The following FANCB variants were observed in gnomAD, a reference collection of about 807,000 sequenced individuals.
The protein encoded by FANCB is FA complementation group B, also known as Fanconi anemia group B protein.
A neutral mutation model predicts 38.9 loss-of-function variants in FANCB; 5 were observed. That is an observed-to-expected ratio of 0.13 (90% CI 0.07 to 0.27). The LOEUF (loss-of-function observed/expected upper bound fraction) is 0.27. Ranked by LOEUF, FANCB falls within the 10% of genes least tolerant of loss-of-function variation. FANCB has a pLI of 1.00. For missense variants in FANCB, 573 were observed against 602.7 expected, an observed-to-expected ratio of 0.95 and a Z score of 0.52; for synonymous variants, 236 against 215.4, an observed-to-expected ratio of 1.10 and a Z score of -0.84.
intron 2 of FANCB, among the ~76,000 whole-genome samples, 167 bp downstream of exon 2, chrX:14,868,756 A>G (rs1214545673): frequency 8.9e-6 from 1 of 112,318 alleles, no homozygotes; most frequent in African/African-American, 3.2e-5. Context: ...TGTTCTTACC[A>G]GGAAGAAAGG....
rs2092396657 is a variant in FANCB, at chrX:14,850,543, G to C, written c.1458C>G (p.Ser486Arg). ...ATGTAGTTTTCACTCCAACAACCAA[G>C]CTATCATCTATTACACGATACCATA... is the stretch of plus-strand genomic sequence containing the variant. Reference protein sequence around the residue: ...EKIWYRVIDDSLVVGVKTTSS... With the variant: ...EKIWYRVIDDRLVVGVKTTSS... Residue 486 changes from serine (S) to arginine (R), a missense_variant, in exon 7 of 10, where the codon AGC becomes AGG. Transcript: ENST00000650831. 1 of 1,203,697 alleles carries C rather than the reference G, an allele frequency of 8.3e-7. No homozygotes were observed.
chrX:14,739,125 T>C, the FANCB span, among the ~76,000 whole-genome samples: 3 of 112,039 alleles, frequency 2.7e-5, no homozygotes, highest in African/African-American at 9.7e-5. Flanking sequence ...TTTTCACCAA[T>C]TTAGGGTTTT....
At chrX:14,758,537 A>G in the FANCB span, among the ~76,000 whole-genome samples, 2 of 112,214 alleles carry the variant, frequency 1.8e-5, no homozygotes, top group Non-Finnish European at 3.8e-5. Context: ...AAGACAGTTC[A>G]CATCAGAGGA....
chrX:14,820,463 A>T, the FANCB span, among the ~76,000 whole-genome samples: 2 of 112,089 alleles, frequency 1.8e-5, no homozygotes, highest in South Asian at 7.3e-4. Context: ...ATAATTGTCC[A>T]TGTCATTTGT....
chrX:14,737,556 C>T, the FANCB span, among the ~76,000 whole-genome samples: 1 of 111,962 alleles, frequency 8.9e-6, no homozygotes, highest in Non-Finnish European at 1.9e-5. Flanking sequence ...AACAGTGTGA[C>T]CTTGGATAAA....
At chrX:14,691,318 T>C in the FANCB span, among the ~76,000 whole-genome samples, 108 of 64,265 alleles carry the variant, frequency 1.7e-3, no homozygotes, top group African/African-American at 4.4e-3. Context: ...TGTGTGTGTG[T>C]GTGTGTGCGC....
At chrX:14,810,944 C>T in the FANCB span, among the ~76,000 whole-genome samples, 1 of 112,057 alleles carries the variant, frequency 8.9e-6, no homozygotes, top group Non-Finnish European at 1.9e-5. Flanking sequence ...CAAAGGGAAG[C>T]CCATCAGACT....
the FANCB span, among the ~76,000 whole-genome samples, chrX:14,743,080 G>C: frequency 8.9e-6 from 1 of 112,170 alleles, no homozygotes; most frequent in Non-Finnish European, 1.9e-5. Flanking sequence ...GAGTAGGCGA[G>C]TAGGCCTTCA....
chrX:14,794,067 G>A, the FANCB span, among the ~76,000 whole-genome samples: 1 of 111,650 alleles, frequency 9.0e-6, no homozygotes, highest in African/African-American at 3.3e-5. Flanking sequence ...TAGGCTCTAG[G>A]ACACTGTTAC....
chrX:14,825,024 C>A, the FANCB span, among the ~76,000 whole-genome samples: 2 of 111,836 alleles, frequency 1.8e-5, no homozygotes, highest in Admixed American at 9.5e-5. Flanking sequence ...TTTTTATAAG[C>A]AGTTTTAAAG....
At chrX:14,741,428 T>C in the FANCB span, among the ~76,000 whole-genome samples, 2 of 111,459 alleles carry the variant, frequency 1.8e-5, no homozygotes, top group African/African-American at 6.5e-5. Flanking sequence ...CCAGAGGATC[T>C]CCTGCATTCT....
chrX:14,820,128 A>C, the FANCB span, among the ~76,000 whole-genome samples: 332 of 110,432 alleles, frequency 3.0e-3, 1 homozygote, highest in African/African-American at 9.9e-3. Context: ...CCTCTTCCCT[A>C]GTCCTATCCT....
chrX:14,775,359 T>C, the FANCB span, among the ~76,000 whole-genome samples: 1 of 110,525 alleles, frequency 9.0e-6, no homozygotes, highest in Non-Finnish European at 1.9e-5. Flanking sequence ...TGGCCAGGCA[T>C]TGTGGGACAA....
the FANCB span, among the ~76,000 whole-genome samples, chrX:14,815,148 C>A: frequency 9.1e-6 from 1 of 110,373 alleles, no homozygotes; most frequent in Non-Finnish European, 1.9e-5. Context: ...GGGCAGGGAA[C>A]ACCACACACC....
rs5934194 is a variant in FANCB at position 14,853,463 on chromosome X, C to T, written c.1198-296G>A. On this transcript the variant is annotated intron_variant, in intron 5 of 9. Coordinates refer to ENST00000650831, the MANE Select transcript of FANCB (RefSeq NM_001018113.3). ...TCACTAGTGAGTTATTAAGTAACTT[C>T]GAATCAATGTAAATAAAAATCAAGG... Among the ~76,000 whole-genome samples, 112 of 111,563 alleles carry T rather than the reference C, an allele frequency of 1.0e-3. 1 individual carries two copies. In the East Asian group the frequency reaches 0.024, roughly 24 times the overall value.
At chrX:14,786,199 C>T in the FANCB span, among the ~76,000 whole-genome samples, 5 of 111,245 alleles carry the variant, frequency 4.5e-5, no homozygotes, top group African/African-American at 6.5e-5. Context: ...AGGCAGGTAG[C>T]TCTCTTCAGC....
chrX:14,864,514 A>C, intron 3 of FANCB, 46 bp downstream of exon 3: 1 of 847,379 alleles, frequency 1.2e-6, no homozygotes, highest in Non-Finnish European at 1.8e-6. Flanking sequence ...AATGTTTAAA[A>C]GGTCTGAGAC....
rs764274377 is a variant in FANCB, at chrX:14,864,595, T to C, written c.916A>G (p.Asn306Asp). ...TCTTTCCATACAGCACAAGCATTAT[T>C]GGATATAAAGGATACAACGAAAAAG... ...NLFFVVSFIS[N>D]NACAVWKESF... Residue 306 changes from asparagine to aspartate, a missense_variant, in exon 3 of 10, where the codon AAT becomes GAT. Asn to Asp is a conservative substitution (Grantham distance 23). Transcript: ENST00000650831. 3 of 1,199,512 alleles carry C rather than the reference T, an allele frequency of 2.5e-6. No homozygotes were observed. The highest frequency in any genetic ancestry group is 3.5e-5 in the South Asian group (2 of 56,761).
At chrX:14,869,838 G>A (rs2092487006) in intron 1 of FANCB, among the ~76,000 whole-genome samples, 1 of 111,877 alleles carries the variant, frequency 8.9e-6, no homozygotes, top group Non-Finnish European at 1.9e-5. Flanking sequence ...ATCCTAATTC[G>A]ACCTGCTTTC....
Sources: gnomAD v4.1 joint callset for allele counts (sites outside exome capture counted in the v4.1 genomes callset) on GRCh38, gnomAD v4.1.1 for gene constraint, MANE v1.5 for transcripts, NCBI Gene and HGNC (gene_info 2026-07-23, HGNC 2026-07-21) for gene names.